Variants in ATXN7L1 observed in about 807,000 individuals in gnomAD.
The protein encoded by ATXN7L1 is ataxin 7 like 1.
A neutral mutation model predicts 70.8 loss-of-function variants in ATXN7L1; 15 were observed. That is an observed-to-expected ratio of 0.21 (90% CI 0.14 to 0.33). The LOEUF (loss-of-function observed/expected upper bound fraction) is 0.33, where lower values mean the gene tolerates loss of function less well. ATXN7L1 is among the 10% of genes least tolerant of loss of function. The pLI is 1.00. For synonymous variants in ATXN7L1, 440 were observed against 445.1 expected (o/e 0.99, Z 0.14); for missense variants, 975 against 1,097.1 (o/e 0.89, Z 1.57).
chr7:105,662,058 CCTTCCTTCCTTCCTTCCTTCCTTCTTTCT>C (rs1278419923), intron 4 of ATXN7L1, among the ~76,000 whole-genome samples: 1,447 of 88,642 alleles, frequency 0.016, 20 homozygotes, highest in African/African-American at 0.032. Context: ...TTCCTTCCTT[CCTTCCTTCCTTCCTTCCTTCCTTCTTTCT>C]TTTCTTTTCT....
intron 3 of ATXN7L1, among the ~76,000 whole-genome samples, chr7:105,781,399 A>G (rs1008428976): frequency 6.6e-6 from 1 of 152,200 alleles, no homozygotes; most frequent in African/African-American, 2.4e-5. Context: ...ATTACTAAAA[A>G]GTAATAAAAA....
chr7:105,618,476 T>A (rs1254594367), intron 9 of ATXN7L1, among the ~76,000 whole-genome samples: 1 of 152,182 alleles, frequency 6.6e-6, no homozygotes, highest in African/African-American at 2.4e-5. Context: ...GAGAGCTCAA[T>A]TCAGACACAA....
chr7:105,832,338 T>A (rs59914899), intron 2 of ATXN7L1, among the ~76,000 whole-genome samples: 2,645 of 152,330 alleles, frequency 0.017, 43 homozygotes, highest in East Asian at 0.066. Context: ...AAGTTTTACC[T>A]AATTTGGTGA....
intron 2 of ATXN7L1, among the ~76,000 whole-genome samples, chr7:105,849,727 A>C (rs1038927509): frequency 2.6e-5 from 4 of 152,188 alleles, no homozygotes; most frequent in African/African-American, 9.7e-5. Context: ...CAGGCCCCTG[A>C]ATGACAATGG....
At chr7:105,666,577 G>A (rs1393474465) in intron 3 of ATXN7L1, among the ~76,000 whole-genome samples, 1 of 152,214 alleles carries the variant, frequency 6.6e-6, no homozygotes, top group East Asian at 1.9e-4. Flanking sequence ...GTACCAATGG[G>A]TTGCCAGGCT....
intron 3 of ATXN7L1, among the ~76,000 whole-genome samples, chr7:105,742,069 C>T (rs1367085280): frequency 6.6e-6 from 1 of 152,176 alleles, no homozygotes; most frequent in East Asian, 1.9e-4. Flanking sequence ...GTAGCCCTCG[C>T]AAACTAATGC....
At chr7:105,779,950 C>G (rs1227765404) in intron 3 of ATXN7L1, among the ~76,000 whole-genome samples, 4 of 152,080 alleles carry the variant, frequency 2.6e-5, no homozygotes, top group Non-Finnish European at 5.9e-5. Context: ...TGTCAGCAAA[C>G]AAATCTAACT....
At chr7:105,639,385 T>C in intron 6 of ATXN7L1, 102 bp downstream of exon 6, 1 of 857,346 alleles carries the variant, frequency 1.2e-6, no homozygotes, top group South Asian at 1.6e-5. Context: ...CTGGGGGTCA[T>C]GTCGAGGTTC....
At chr7:105,782,613 C>G (rs566565725) in intron 3 of ATXN7L1, among the ~76,000 whole-genome samples, 3 of 152,154 alleles carry the variant, frequency 2.0e-5, no homozygotes, top group Admixed American at 6.5e-5. Context: ...CAGCCCTGGG[C>G]GGGGGGCTCC....
intron 2 of ATXN7L1, among the ~76,000 whole-genome samples, chr7:105,846,085 A>T (rs1297956653): frequency 6.6e-6 from 1 of 152,210 alleles, no homozygotes; most frequent in Admixed American, 6.5e-5. Context: ...GCTTCAAAGG[A>T]CATCATCAAG....
At position 105,734,636 on chromosome 7, in the gene ATXN7L1, GTTTT is replaced by G. The variant is rs59456850; in HGVS notation, c.355+53964_355+53967del. On this transcript the variant is annotated intron_variant, in intron 3 of 11. Coordinates refer to ENST00000419735, the MANE Select transcript of ATXN7L1 (RefSeq NM_020725.2). The stretch of plus-strand genomic sequence containing the variant: ...TGAAGTTTTAGCAACCTCCTTTCAT[GTTTT>G]TTTTTTTTTTTAACCTGGCTGGCTT... Among the ~76,000 whole-genome samples the G allele has an allele frequency of 2.8e-5, 4 of 142,022 alleles. No individual in the cohort carries two copies. In the Admixed American group the frequency reaches 2.8e-4, roughly 10 times the overall value. The allele number at this position is 142,022 out of a possible 152,430, so 93.2% of individuals were successfully genotyped here.
chr7:105,826,890 T>C (rs1280905208), intron 2 of ATXN7L1, among the ~76,000 whole-genome samples: 2 of 152,214 alleles, frequency 1.3e-5, no homozygotes, highest in African/African-American at 2.4e-5. Flanking sequence ...TGTAATATTT[T>C]ACAAGAGACT....
At position 105,826,046 on chromosome 7, in the gene ATXN7L1, T is replaced by G. The variant is rs78678592; in HGVS notation, c.251-37338A>C. 8.4e-3 allele frequency among the ~76,000 whole-genome samples: 1,272 copies of G among 152,254 alleles called. 19 individuals carry two copies. Among genetic ancestry groups the G allele is most frequent in the African/African-American group, 0.029 (1,211 of 41,516 alleles). ...AAACCAATAAATGAAGAAGTACTCA[T>G]ATATATACCCTTTATAGAGATATGG... is the stretch of plus-strand genomic sequence containing the variant. On this transcript the variant is annotated intron_variant, in intron 2 of 11. Transcript: ENST00000419735.
chr7:105,719,148 A>G (rs899342680), intron 3 of ATXN7L1, among the ~76,000 whole-genome samples: 2 of 152,162 alleles, frequency 1.3e-5, no homozygotes, highest in African/African-American at 4.8e-5. Context: ...AATGAAGGGA[A>G]GCAAAGGAAA....
At chr7:105,720,517 C>G (rs1477883750) in intron 3 of ATXN7L1, among the ~76,000 whole-genome samples, 1 of 152,130 alleles carries the variant, frequency 6.6e-6, no homozygotes, top group Non-Finnish European at 1.5e-5. Context: ...CTCCCAAACT[C>G]AAGTGATCCT....
intron 5 of ATXN7L1, among the ~76,000 whole-genome samples, chr7:105,639,986 C>T (rs1797936477): frequency 6.6e-6 from 1 of 152,226 alleles, no homozygotes; most frequent in African/African-American, 2.4e-5. Flanking sequence ...TGAGACCCAA[C>T]GACCCCTTTC....
At chr7:105,652,356 G>A (rs1799976350) in intron 4 of ATXN7L1, among the ~76,000 whole-genome samples, 1 of 152,194 alleles carries the variant, frequency 6.6e-6, no homozygotes, top group Admixed American at 6.5e-5. Context: ...ACATCAATAA[G>A]GAAATGGTAT....
intron 7 of ATXN7L1, among the ~76,000 whole-genome samples, chr7:105,636,053 C>T (rs1797306334): frequency 6.6e-6 from 1 of 152,132 alleles, no homozygotes. Context: ...AAAGAGCTCA[C>T]CCCTGAGTTT....
At chr7:105,649,599 T>C in intron 4 of ATXN7L1, 2 of 987,742 alleles carry the variant, frequency 2.0e-6, no homozygotes, top group Non-Finnish European at 2.4e-6. Flanking sequence ...GACGGTGCCA[T>C]TGCAAGAGCC....
Sources: allele counts gnomAD v4.1 joint callset (sites outside exome capture counted in the v4.1 genomes callset), GRCh38; gene constraint gnomAD v4.1.1; transcripts MANE v1.5; gene names NCBI Gene and HGNC (gene_info 2026-07-23, HGNC 2026-07-21).